ZCCHC8: variants seen among roughly 807,000 people sequenced by gnomAD.
ZCCHC8 encodes zinc finger CCHC-type containing 8.
In ZCCHC8, 27 loss-of-function variants were observed where a neutral mutation model predicts 70.6. The observed-to-expected ratio is 0.38, with a 90% confidence interval of 0.28 to 0.53. The LOEUF is 0.53. ZCCHC8 is among the 20% of genes least tolerant of loss of function. ZCCHC8 has a pLI of 0.81. For synonymous variants in ZCCHC8, 293 were observed against 317.4 expected (o/e 0.92, Z 0.82); for missense variants, 737 against 876.9 (o/e 0.84, Z 2.01).
At chr12:122,481,760 A>G in intron 9 of ZCCHC8, 96 bp from the exon 10 acceptor site, 1 of 1,414,184 alleles carries the variant, frequency 7.1e-7, no homozygotes, top group South Asian at 1.4e-5. Context: ...TGCTTATATT[A>G]CATACCATGA....
At chr12:122,478,028 T>A in intron 12 of ZCCHC8, 70 bp from the exon 13 acceptor site, 1 of 1,310,096 alleles carries the variant, frequency 7.6e-7, no homozygotes, top group Non-Finnish European at 1.1e-6. Context: ...TCCCTTCACT[T>A]AAAATGATGT....
Position 122,478,306 on chromosome 12 carries a change from G to T in ZCCHC8, c.1141-14C>A. Reference sequence around the variant, plus strand: ...GATCCTCCATTCCTAATGATGAAAAGAGAAGGAAAAAAAAAACACATGTAT... The same window carrying T: ...GATCCTCCATTCCTAATGATGAAAATAGAAGGAAAAAAAAAACACATGTAT... On this transcript the variant is annotated splice_polypyrimidine_tract_variant and intron_variant, in intron 11 of 13. Transcript: ENST00000633063. 6.5e-7 allele frequency: 1 copy of T among 1,539,372 alleles called. No individual in the cohort carries two copies. Among genetic ancestry groups the T allele is most frequent in the East Asian group, 2.3e-5 (1 of 43,188 alleles).
At chr12:122,492,186 C>A in intron 3 of ZCCHC8, 1 of 155,694 alleles carries the variant, frequency 6.4e-6, no homozygotes, top group Non-Finnish European at 1.4e-5. Context: ...ACACTCTGAG[C>A]AAACACTGCA....
At chr12:122,492,949 C>T (rs1270434586) in intron 2 of ZCCHC8, among the ~76,000 whole-genome samples, 160 bp from the exon 3 acceptor site, 2 of 152,092 alleles carry the variant, frequency 1.3e-5, no homozygotes, top group Non-Finnish European at 2.9e-5. Context: ...TGGATCACTG[C>T]AACCTCCGCC....
intron 4 of ZCCHC8, 106 bp from the exon 5 acceptor site, chr12:122,489,569 T>C: frequency 1.0e-6 from 1 of 1,000,562 alleles, no homozygotes; most frequent in Non-Finnish European, 1.5e-6. Context: ...ATGAACGACA[T>C]TTCATGTGGG....
Position 122,473,344 on chromosome 12 carries a change from T to G in ZCCHC8, c.*153A>C. 1 of 916,766 alleles carries G rather than the reference T, an allele frequency of 1.1e-6. No individual in the cohort carries two copies. Among genetic ancestry groups the G allele is most frequent in the African/African-American group, 1.7e-5 (1 of 59,704 alleles). The allele number at this position is 916,766 out of a possible 1,614,324, so 56.8% of individuals were successfully genotyped here. A position where few individuals can be genotyped will look rare whatever the true frequency, so the allele number is the denominator to read the frequency against. Reference sequence around the variant, plus strand: ...TATACTGAACTAGTGAGCTCAGTCTTTCTTTAAAATAGGCTTGACTTTGGA... The same window carrying G: ...TATACTGAACTAGTGAGCTCAGTCTGTCTTTAAAATAGGCTTGACTTTGGA... On this transcript the variant is annotated 3_prime_UTR_variant, in exon 14 of 14. Coordinates refer to ENST00000633063, the MANE Select transcript of ZCCHC8 (RefSeq NM_017612.5).
intron 8 of ZCCHC8, 159 bp from the exon 9 acceptor site, chr12:122,482,246 G>A (rs1365499057): frequency 8.6e-6 from 6 of 700,474 alleles, no homozygotes; most frequent in African/African-American, 1.8e-5. Flanking sequence ...AGAAAAATAC[G>A]TAAGGAAAGG....
chr12:122,474,048 TCTG>T lies in ZCCHC8; in HGVS notation c.1570_1572del (p.Gln524del). 1 of 1,526,850 alleles carries T rather than the reference TCTG, an allele frequency of 6.5e-7. No individual in the cohort carries two copies. The highest frequency in any genetic ancestry group is 8.8e-7 in the Non-Finnish European group (1 of 1,140,262). The allele number at this position is 1,526,850 out of a possible 1,614,324, so 94.6% of individuals were successfully genotyped here. ...TGCTCAAGAGCTGCCCAGATCCGCC[TCTG>T]CTGTTCTTCAAGTTCTTCTAGAGTC... On this transcript the variant is annotated inframe_deletion, in exon 14 of 14. Transcript: ENST00000633063.
At chr12:122,482,851 CTTTA>C (rs922645980) in intron 7 of ZCCHC8, 156 bp from the exon 8 acceptor site, 2 of 621,670 alleles carry the variant, frequency 3.2e-6, no homozygotes, top group African/African-American at 3.7e-5. Context: ...CTTTAATCTC[CTTTA>C]TTTAGTGATT....
intron 5 of ZCCHC8, among the ~76,000 whole-genome samples, chr12:122,489,005 CCCA>C (rs1164964033): frequency 6.6e-6 from 1 of 152,168 alleles, no homozygotes; most frequent in Non-Finnish European, 1.5e-5. Context: ...CTGTTTTTCA[CCCA>C]CCATTTGAGA....
intron 11 of ZCCHC8, chr12:122,478,616 G>C: frequency 4.1e-6 from 1 of 244,022 alleles, no homozygotes; most frequent in Non-Finnish European, 8.0e-6. Flanking sequence ...TCAAGCACTG[G>C]CACTGCTAAC....
chr12:122,474,431 C>T (rs1957377448), intron 13 of ZCCHC8, among the ~76,000 whole-genome samples, 156 bp from the exon 14 acceptor site: 2 of 152,202 alleles, frequency 1.3e-5, no homozygotes, highest in African/African-American at 4.8e-5. Flanking sequence ...GCCATTACCA[C>T]CACCTGGTAT....
Position 122,472,564 on chromosome 12 carries a change from C to T in ZCCHC8, c.*933G>A, listed in dbSNP as rs1472306133. 6.6e-6 allele frequency: 1 copy of T among 152,246 alleles called. No homozygotes were observed. Among genetic ancestry groups the T allele is most frequent in the Admixed American group, 6.5e-5 (1 of 15,272 alleles). The allele number at this position is 152,246 out of a possible 1,614,324, so 9.4% of individuals were successfully genotyped here. A position where few individuals can be genotyped will look rare whatever the true frequency, so the allele number is the denominator to read the frequency against. ...CACCGGCCAGGTGAGGTGGCTTACGCCTGTAATCCCAGCACTTTGGGAGGC... is the reference window on the plus strand; with the variant it reads ...CACCGGCCAGGTGAGGTGGCTTACGTCTGTAATCCCAGCACTTTGGGAGGC... On this transcript the variant is annotated 3_prime_UTR_variant, in exon 14 of 14. Transcript: ENST00000633063.
chr12:122,489,342 A>G, intron 5 of ZCCHC8, 44 bp downstream of exon 5: 2 of 1,581,264 alleles, frequency 1.3e-6, no homozygotes, highest in African/African-American at 1.3e-5. Flanking sequence ...ATAGGATAGG[A>G]AACACCTATT....
intron 3 of ZCCHC8, among the ~76,000 whole-genome samples, chr12:122,491,728 T>C (rs1220203227): frequency 1.3e-5 from 2 of 150,928 alleles, no homozygotes; most frequent in Non-Finnish European, 2.9e-5. Flanking sequence ...CGTGGGAGGC[T>C]GCGGCAGGAG....
intron 5 of ZCCHC8, among the ~76,000 whole-genome samples, chr12:122,484,405 T>C (rs963005398): frequency 3.8e-5 from 5 of 130,512 alleles, no homozygotes; most frequent in African/African-American, 1.2e-4. Flanking sequence ...GCCTCACATA[T>C]ACTCTTTAAT....
intron 1 of ZCCHC8, chr12:122,499,178 C>G: frequency 2.5e-6 from 1 of 407,800 alleles, no homozygotes; most frequent in Non-Finnish European, 4.5e-6. Context: ...TCAACAACCA[C>G]TATGTGATAA....
At chr12:122,490,648 T>G (rs531989767) in intron 3 of ZCCHC8, 81 bp from the exon 4 acceptor site, 102 of 770,288 alleles carry the variant, frequency 1.3e-4, no homozygotes, top group Middle Eastern at 1.0e-3. Context: ...TACTGTAAGA[T>G]TTCAAGTGTG....
At chr12:122,481,826 T>C (rs4758692) in intron 9 of ZCCHC8, 119 bp downstream of exon 9, 745,873 of 1,394,488 alleles carry the variant, frequency 0.53, 203,963 homozygotes, top group Non-Finnish European at 0.55. Context: ...AATTAATGTA[T>C]ATTACCTAGG....
Sources: gnomAD v4.1 joint callset for allele counts (sites outside exome capture counted in the v4.1 genomes callset) on GRCh38, gnomAD v4.1.1 for gene constraint, MANE v1.5 for transcripts, NCBI Gene and HGNC (gene_info 2026-07-23, HGNC 2026-07-21) for gene names.